FBXL13: variants seen among roughly 807,000 people sequenced by gnomAD.
The protein encoded by FBXL13 is F-box and leucine rich repeat protein 13, also known as F-box and leucine-rich repeat protein 13.
In FBXL13, 67 loss-of-function variants were observed where a neutral mutation model predicts 83.6. That is an observed-to-expected ratio of 0.80 (90% confidence interval 0.66 to 0.98). FBXL13 has a LOEUF of 0.98. FBXL13 is among the 50% of genes least tolerant of loss of function. The pLI, the probability that FBXL13 is intolerant of heterozygous loss-of-function variation, is 0.00. For missense variants in FBXL13, 822 were observed against 866.5 expected (o/e 0.95, Z 0.64); for synonymous variants, 272 against 299.5 (o/e 0.91, Z 0.95).
In FBXL13 at chr7:102,942,697, C is replaced by T. The variant is rs142054043; in HGVS notation, c.725-10764G>A. ...AAGGGCTGATCTTTTGTCCCCTACC[C>T]GCAAGACATTGCTTGGTACCAAAAT... On this transcript the variant is annotated intron_variant, in intron 8 of 19. Coordinates refer to ENST00000313221, the Ensembl canonical transcript of FBXL13. Among the ~76,000 whole-genome samples, 502 of 152,168 alleles carry T rather than the reference C, an allele frequency of 3.3e-3. 3 individuals are homozygous for T. The highest frequency in any genetic ancestry group is 4.1e-3 in the Non-Finnish European group (280 of 68,006).
chr7:102,827,531 A>AT (rs1009506730), intron 18 of FBXL13, among the ~76,000 whole-genome samples: 18 of 149,452 alleles, frequency 1.2e-4, no homozygotes, highest in East Asian at 2.0e-4. Context: ...CCCATTGATC[A>AT]TTTTTTTTTT....
rs189054869 is a variant in FBXL13, at chr7:102,922,888, G to A, written c.878+3386C>T. 1.1e-3 allele frequency among the ~76,000 whole-genome samples: 172 copies of A among 152,272 alleles called. 1 individual carries two copies. Among genetic ancestry groups the A allele is most frequent in the African/African-American group, 3.5e-3 (147 of 41,542 alleles). Reference sequence around the variant, plus strand: ...AGCTACTCAGGAGGCTGAGGCAGGAGAATGGCATGAACCCGGGAGGCGGAG... The same window carrying A: ...AGCTACTCAGGAGGCTGAGGCAGGAAAATGGCATGAACCCGGGAGGCGGAG... On this transcript the variant is annotated intron_variant, in intron 10 of 19. Coordinates refer to ENST00000313221, the Ensembl canonical transcript of FBXL13.
chr7:102,984,842 A>C (rs539363864), intron 6 of FBXL13, among the ~76,000 whole-genome samples: 1 of 152,328 alleles, frequency 6.6e-6, no homozygotes, highest in South Asian at 2.1e-4. Context: ...TGCTGCCTTA[A>C]ATAAAGGATG....
chr7:102,811,552 G>A (rs1235078571), downstream of FBXL13, among the ~76,000 whole-genome samples: 1 of 152,184 alleles, frequency 6.6e-6, no homozygotes, highest in East Asian at 1.9e-4. Context: ...GAGCTTTGGA[G>A]CAAGCTCTGA....
rs1284869672 is a variant in FBXL13, at chr7:103,009,133, G to C, written c.495+15930C>G. ...AGGAAAAAAAAAGATAGCTGCATGA[G>C]TGTAGGAAGGAGTGTGATATGGCTT... is the stretch of plus-strand genomic sequence containing the variant. On this transcript the variant is annotated intron_variant, in intron 6 of 19. Coordinates refer to ENST00000313221, the Ensembl canonical transcript of FBXL13. Among the ~76,000 whole-genome samples, 4 of 152,164 alleles carry C rather than the reference G, an allele frequency of 2.6e-5. 1 individual carries two copies. Among genetic ancestry groups the C allele is most frequent in the Admixed American group, 2.6e-4 (4 of 15,286 alleles).
intron 17 of FBXL13, among the ~76,000 whole-genome samples, chr7:102,851,929 CT>C (rs1453771011): frequency 6.6e-6 from 1 of 152,110 alleles, no homozygotes; most frequent in African/African-American, 2.4e-5. Context: ...TAGCCAATTA[CT>C]TATCTCATGC....
At chr7:102,874,902 A>G (rs1235785859) in intron 16 of FBXL13, among the ~76,000 whole-genome samples, 1 of 152,210 alleles carries the variant, frequency 6.6e-6, no homozygotes, top group African/African-American at 2.4e-5. Context: ...CTCTGTAGAT[A>G]AAATTTTAAT....
chr7:103,024,812 CATATATATGT>C (rs1793666314), intron 6 of FBXL13, among the ~76,000 whole-genome samples: 1 of 129,094 alleles, frequency 7.7e-6, no homozygotes, highest in African/African-American at 2.9e-5. Flanking sequence ...TGTATACATA[CATATATATGT>C]ATATATATGT....
chr7:102,944,713 C>A, intron 8 of FBXL13: 1 of 999,298 alleles, frequency 1.0e-6, no homozygotes, highest in Non-Finnish European at 1.4e-6. Flanking sequence ...GCAGGGTAAT[C>A]CAGCTAAAGG....
chr7:102,953,576 G>A (rs1029204308), intron 8 of FBXL13, among the ~76,000 whole-genome samples: 1 of 152,162 alleles, frequency 6.6e-6, no homozygotes, highest in Non-Finnish European at 1.5e-5. Flanking sequence ...TCTTTGGGCT[G>A]ATGAAAATGG....
chr7:102,994,856 A>C (rs1011057070), intron 6 of FBXL13, among the ~76,000 whole-genome samples: 1 of 152,146 alleles, frequency 6.6e-6, no homozygotes, highest in Non-Finnish European at 1.5e-5. Flanking sequence ...CCCCAAAGTT[A>C]AGCAGATGTG....
intron 2 of FBXL13, among the ~76,000 whole-genome samples, chr7:103,041,390 A>C (rs577632370): frequency 7.2e-5 from 11 of 152,274 alleles, no homozygotes; most frequent in Non-Finnish European, 1.3e-4. Flanking sequence ...TTCCACCAGA[A>C]GTACAAACAG....
intron 17 of FBXL13, among the ~76,000 whole-genome samples, chr7:102,840,165 C>A (rs1046525914): frequency 6.6e-6 from 1 of 151,912 alleles, no homozygotes; most frequent in African/African-American, 2.4e-5. Context: ...ATTGGGAAAA[C>A]CAAAAGGAAA....
chr7:102,975,911 C>T (rs1318575650), intron 6 of FBXL13: 1 of 761,588 alleles, frequency 1.3e-6, no homozygotes, highest in Non-Finnish European at 2.4e-6. Context: ...GGCCATGGGG[C>T]CACAGCTCCA....
chr7:102,918,069 A>G (rs1202538350), intron 10 of FBXL13, among the ~76,000 whole-genome samples: 2 of 152,214 alleles, frequency 1.3e-5, no homozygotes, highest in Non-Finnish European at 2.9e-5. Context: ...TTGGAAAGAA[A>G]TACTAAAAGC....
chr7:102,921,079 G>C (rs923592508), intron 10 of FBXL13, among the ~76,000 whole-genome samples: 12 of 152,174 alleles, frequency 7.9e-5, no homozygotes, highest in South Asian at 2.1e-4. Context: ...TTCAGCCCAG[G>C]AGGCGGAGGT....
At chr7:102,913,010 C>T (rs528610966) in intron 11 of FBXL13, 76 bp downstream of exon 12, 196 of 1,593,356 alleles carry the variant, frequency 1.2e-4, no homozygotes, top group Non-Finnish European at 5.1e-5. Context: ...ATTAGTATAA[C>T]GTGAGGGCTG....
intron 10 of FBXL13, among the ~76,000 whole-genome samples, chr7:102,915,998 G>A (rs1028217539): frequency 8.8e-6 from 1 of 113,842 alleles, no homozygotes; most frequent in East Asian, 2.6e-4. Context: ...TTTTTTTTTT[G>A]TTTGAGACGG....
chr7:102,917,497 T>C (rs1001350935), intron 10 of FBXL13, among the ~76,000 whole-genome samples: 4 of 152,172 alleles, frequency 2.6e-5, no homozygotes, highest in Non-Finnish European at 5.9e-5. Context: ...GAAAAATCAC[T>C]GCAGACTTCT....
Sources: gnomAD v4.1 joint callset for allele counts (sites outside exome capture counted in the v4.1 genomes callset) on GRCh38, gnomAD v4.1.1 for gene constraint, MANE v1.5 for transcripts, NCBI Gene and HGNC (gene_info 2026-07-23, HGNC 2026-07-21) for gene names.